USP53: variants seen among roughly 807,000 people sequenced by gnomAD.
USP53 encodes ubiquitin carboxyl-terminal hydrolase 53.
A neutral mutation model predicts 94.9 loss-of-function variants in USP53; 71 were observed. That is an observed-to-expected ratio of 0.75 (90% CI 0.62 to 0.91). The LOEUF (loss-of-function observed/expected upper bound fraction) is 0.91. Ranked by LOEUF, USP53 falls within the 40% of genes least tolerant of loss-of-function variation. USP53 has a pLI of 0.00. For synonymous variants in USP53, 375 were observed against 422.7 expected (o/e 0.89, Z 1.39); for missense variants, 1,173 against 1,281.0 (o/e 0.92, Z 1.29).
At chr4:119,235,597 C>T (rs1453671638) in intron 4 of USP53, among the ~76,000 whole-genome samples, 186 bp downstream of exon 4, 1 of 152,086 alleles carries the variant, frequency 6.6e-6, no homozygotes, top group Non-Finnish European at 1.5e-5. Flanking sequence ...AGTTTAAAGC[C>T]AGAGTTCTTA....
chr4:119,233,639 T>G (rs1746359949), intron 3 of USP53, among the ~76,000 whole-genome samples: 1 of 152,174 alleles, frequency 6.6e-6, no homozygotes, highest in African/African-American at 2.4e-5. Context: ...ACCCATCGGA[T>G]TTTTTATTTC....
intron 17 of USP53, among the ~76,000 whole-genome samples, chr4:119,285,842 C>G (rs1214561561): frequency 1.3e-5 from 2 of 151,874 alleles, no homozygotes; most frequent in Non-Finnish European, 2.9e-5. Flanking sequence ...ATAATCTCTT[C>G]TCTTGCTGTG....
chr4:119,258,937 C>A (rs924996360), intron 9 of USP53, among the ~76,000 whole-genome samples: 1 of 152,090 alleles, frequency 6.6e-6, no homozygotes, highest in Non-Finnish European at 1.5e-5. Context: ...TAAAAAGTAT[C>A]ACAGTTACCC....
chr4:119,282,703 G>A (rs1753640657), intron 17 of USP53, among the ~76,000 whole-genome samples: 1 of 146,136 alleles, frequency 6.8e-6, no homozygotes, highest in African/African-American at 2.5e-5. Context: ...AGAATATGTG[G>A]AAAAGTGATA....
chr4:119,243,323 C>A (rs902308165), intron 5 of USP53, among the ~76,000 whole-genome samples: 2 of 151,916 alleles, frequency 1.3e-5, no homozygotes, highest in East Asian at 3.9e-4. Flanking sequence ...CATGGTGAAA[C>A]CCCGTCTCTA....
chr4:119,251,579 T>C (rs1000629138), intron 7 of USP53, among the ~76,000 whole-genome samples: 2 of 152,038 alleles, frequency 1.3e-5, no homozygotes, highest in African/African-American at 4.8e-5. Context: ...GTTTCTTGAC[T>C]TTTTAATGAT....
intron 4 of USP53, among the ~76,000 whole-genome samples, chr4:119,235,772 T>A (rs1746656141): frequency 6.6e-6 from 1 of 152,222 alleles, no homozygotes; most frequent in African/African-American, 2.4e-5. Flanking sequence ...TGCTTGGAAT[T>A]CCTTCTCTTA....
intron 5 of USP53, among the ~76,000 whole-genome samples, chr4:119,244,280 C>G (rs1747930147): frequency 6.6e-6 from 1 of 152,150 alleles, no homozygotes; most frequent in African/African-American, 2.4e-5. Context: ...ATTCATTATG[C>G]TTTAATAAAA....
intron 9 of USP53, among the ~76,000 whole-genome samples, chr4:119,258,291 T>G (rs1750029051): frequency 6.6e-6 from 1 of 152,228 alleles, no homozygotes; most frequent in Admixed American, 6.5e-5. Flanking sequence ...TTATCAGATT[T>G]AGGGCTTTCT....
At chr4:119,235,835 C>T (rs1746667234) in intron 4 of USP53, among the ~76,000 whole-genome samples, 1 of 152,284 alleles carries the variant, frequency 6.6e-6, no homozygotes, top group South Asian at 2.1e-4. Context: ...CTCAATGAGA[C>T]CATCGTTCAT....
intron 1 of USP53, among the ~76,000 whole-genome samples, chr4:119,213,641 G>GATATATTAGATATATATATATATAT (rs1553961986): frequency 1.2e-4 from 13 of 108,092 alleles, no homozygotes; most frequent in African/African-American, 5.1e-4. Context: ...TCTGGAAATA[G>GATATATTAGATATATATATATATAT]ATATATATAT....
At chr4:119,230,217 A>G (rs904541913) in intron 3 of USP53, among the ~76,000 whole-genome samples, 1 of 152,158 alleles carries the variant, frequency 6.6e-6, no homozygotes, top group African/African-American at 2.4e-5. Context: ...TCAATTATAC[A>G]TATATACACC....
chr4:119,240,041 A>G, intron 5 of USP53, 138 bp downstream of exon 5: 2 of 976,642 alleles, frequency 2.0e-6, no homozygotes, highest in Non-Finnish European at 2.7e-6. Context: ...AAATGGGAGC[A>G]AAAGTGTTTT....
intron 2 of USP53, among the ~76,000 whole-genome samples, chr4:119,215,509 T>C (rs910487711): frequency 3.3e-5 from 5 of 152,238 alleles, no homozygotes; most frequent in African/African-American, 1.2e-4. Context: ...CCAGGTTAAC[T>C]CATATCCTCT....
intron 5 of USP53, 38 bp downstream of exon 5, chr4:119,239,941 T>A (rs1747292677): frequency 1.5e-6 from 2 of 1,370,604 alleles, no homozygotes. Context: ...AAAAAAATAC[T>A]TTTCAGAAAA....
intron 9 of USP53, 105 bp from the exon 10 acceptor site, chr4:119,259,715 A>T: frequency 1.4e-6 from 1 of 706,268 alleles, no homozygotes; most frequent in Non-Finnish European, 2.2e-6. Context: ...GTCATGTTTT[A>T]GATAGAAAAA....
At chr4:119,267,505 C>G (rs1464192342) in intron 13 of USP53, 23 bp downstream of exon 13, 1 of 1,597,938 alleles carries the variant, frequency 6.3e-7, no homozygotes. Context: ...TTTAAAAATT[C>G]TCAATGTTTT....
rs1338612071 is a variant in USP53, at chr4:119,292,629, C to T, written c.2640C>T (p.Ile880=). The T allele has an allele frequency of 1.2e-6, 2 of 1,613,982 alleles. No homozygotes were observed. The highest frequency in any genetic ancestry group is 1.3e-5 in the African/African-American group (1 of 74,924). Residue 880 remains isoleucine (I), a synonymous_variant, in exon 19 of 19, where the codon ATC becomes ATT. Coordinates refer to ENST00000692078, the MANE Select transcript of USP53 (RefSeq NM_001371395.1). ...TAAAGCCAGAAACTGCTCCTCTCATCCAGCAACAAAATATCATGGATCAAT... is the reference window on the plus strand; with the variant it reads ...TAAAGCCAGAAACTGCTCCTCTCATTCAGCAACAAAATATCATGGATCAAT... ...VGLKPETAPL[I]QQQNIMDQCY...
intron 2 of USP53, among the ~76,000 whole-genome samples, chr4:119,216,239 G>A (rs1264876190): frequency 6.6e-6 from 1 of 152,088 alleles, no homozygotes; most frequent in Non-Finnish European, 1.5e-5. Context: ...AAATTAGCCA[G>A]GCGTGGTGGT....
Sources: allele counts gnomAD v4.1 joint callset (sites outside exome capture counted in the v4.1 genomes callset), GRCh38; gene constraint gnomAD v4.1.1; transcripts MANE v1.5; gene names NCBI Gene and HGNC (gene_info 2026-07-23, HGNC 2026-07-21).